The following MAML3 variants were observed in gnomAD, a reference collection of about 807,000 sequenced individuals.
MAML3 encodes mastermind-like protein 3.
In MAML3, 27 loss-of-function variants were observed where a neutral mutation model predicts 101.9. That is an observed-to-expected ratio of 0.27 (90% CI 0.20 to 0.37). The LOEUF (loss-of-function observed/expected upper bound fraction) is 0.37. Among genes scored for constraint, MAML3 ranks in the 10% least tolerant of loss-of-function variants. The probability of loss-of-function intolerance (pLI) is 1.00; values close to 1 mark genes in which losing one functional copy is unlikely to be tolerated. For synonymous variants in MAML3, 501 were observed against 555.9 expected (o/e 0.90, Z 1.39); for missense variants, 1,316 against 1,444.9 (o/e 0.91, Z 1.45).
intron 2 of MAML3, among the ~76,000 whole-genome samples, chr4:139,846,813 C>A (rs565770017): frequency 6.6e-6 from 1 of 152,286 alleles, no homozygotes; most frequent in East Asian, 1.9e-4. Context: ...TTAGGATATC[C>A]TTTAATTTAG....
chr4:139,809,052 A>G (rs73854362), intron 2 of MAML3, among the ~76,000 whole-genome samples: 1,790 of 152,290 alleles, frequency 0.012, 33 homozygotes, highest in African/African-American at 0.041. Flanking sequence ...AATTACTACA[A>G]ATGATTTATG....
chr4:139,819,828 GACAAAAGTCCTTC>G (rs146519942), intron 2 of MAML3, among the ~76,000 whole-genome samples: 46,744 of 152,002 alleles, frequency 0.31, 8,855 homozygotes, highest in Admixed American at 0.41. Flanking sequence ...TACACTTTAT[GACAAAAGTCCTTC>G]CAGGACATAC....
At chr4:140,045,943 G>A (rs868341159) in intron 1 of MAML3, among the ~76,000 whole-genome samples, 17 of 152,184 alleles carry the variant, frequency 1.1e-4, no homozygotes, top group African/African-American at 2.9e-4. Flanking sequence ...GTTTTGGTGC[G>A]TGAGAAAAAG....
chr4:140,030,040 G>A (rs1726883494), intron 1 of MAML3, among the ~76,000 whole-genome samples: 1 of 152,116 alleles, frequency 6.6e-6, no homozygotes, highest in South Asian at 2.1e-4. Flanking sequence ...GAAACGAAAA[G>A]GATGAGGTAA....
chr4:140,080,420 G>C (rs1727843688), intron 1 of MAML3, among the ~76,000 whole-genome samples: 2 of 152,174 alleles, frequency 1.3e-5, no homozygotes, highest in African/African-American at 4.8e-5. Flanking sequence ...ACACCCACAG[G>C]GCACAGAAAT....
At chr4:139,989,784 A>G (rs1381044490) in intron 1 of MAML3, among the ~76,000 whole-genome samples, 2 of 151,342 alleles carry the variant, frequency 1.3e-5, no homozygotes, top group African/African-American at 2.4e-5. Flanking sequence ...TAATTTAACA[A>G]TTTTATTCAT....
rs528002551 is a variant in MAML3, at chr4:139,927,192, G to A, written c.469-36225C>T. Among the ~76,000 whole-genome samples the A allele has an allele frequency of 4.6e-5, 7 of 151,568 alleles. No homozygotes were observed. The East Asian group carries it at 1.2e-3, about 25-fold the overall frequency. Reference sequence around the variant, plus strand: ...ACCCACCTTGGCCTCCCAAAGTGCTGGGGTTACAGGCGTGAGCCACCATAC... The same window carrying A: ...ACCCACCTTGGCCTCCCAAAGTGCTAGGGTTACAGGCGTGAGCCACCATAC... On this transcript the variant is annotated intron_variant, in intron 1 of 4. Coordinates refer to ENST00000509479, the MANE Select transcript of MAML3 (RefSeq NM_018717.5).
In MAML3 at chr4:139,856,687, C is replaced by T. The variant is rs141675482; in HGVS notation, c.2079+32670G>A. On this transcript the variant is annotated intron_variant, in intron 2 of 4. Transcript: ENST00000509479. ...GAAAAGCTTGTACCTTTAAGAAAAT[C>T]GGCAATCTTTCACCTCTAAACTTTG... Among the ~76,000 whole-genome samples, 187 of 152,310 alleles carry T rather than the reference C, an allele frequency of 1.2e-3. 1 individual carries two copies. The highest frequency in any genetic ancestry group is 4.0e-3 in the African/African-American group (167 of 41,568).
At chr4:139,731,375 G>T (rs1330413016) in intron 2 of MAML3, 2 of 141,666 alleles carry the variant, frequency 1.4e-5, no homozygotes, top group Admixed American at 7.8e-5. Flanking sequence ...CAGTACTTTG[G>T]GTGGATCACG....
chr4:139,953,984 G>C (rs2110762989), intron 1 of MAML3, among the ~76,000 whole-genome samples: 1 of 152,258 alleles, frequency 6.6e-6, no homozygotes. Flanking sequence ...TTCATAAAAA[G>C]GATTCTTGGG....
chr4:139,846,991 C>A (rs1181184582), intron 2 of MAML3, among the ~76,000 whole-genome samples: 1 of 152,152 alleles, frequency 6.6e-6, no homozygotes, highest in Non-Finnish European at 1.5e-5. Context: ...TTTCACAGTT[C>A]ACACTTAGGA....
At chr4:139,769,787 G>A (rs1447931210) in intron 2 of MAML3, among the ~76,000 whole-genome samples, 1 of 151,968 alleles carries the variant, frequency 6.6e-6, no homozygotes, top group Non-Finnish European at 1.5e-5. Flanking sequence ...GGCTAATTTT[G>A]TGTTTTTAGT....
chr4:139,827,344 C>T (rs2111129132), intron 2 of MAML3, among the ~76,000 whole-genome samples: 1 of 152,282 alleles, frequency 6.6e-6, no homozygotes, highest in East Asian at 1.9e-4. Context: ...CCAACAAAGA[C>T]TGACTGCTGA....
intron 1 of MAML3, among the ~76,000 whole-genome samples, chr4:139,964,203 G>A (rs112694638): frequency 0.034 from 5,109 of 152,224 alleles, 265 homozygotes; most frequent in African/African-American, 0.11. Flanking sequence ...GCCCATCAAT[G>A]ATAGACTGGA....
intron 2 of MAML3, among the ~76,000 whole-genome samples, chr4:139,801,643 GGTGTGTGT>G (rs755484864): frequency 2.0e-4 from 6 of 30,744 alleles, no homozygotes; most frequent in African/African-American, 3.5e-4. Context: ...GGTGTGTGTG[GGTGTGTGT>G]GTGTGTGTGT....
intron 2 of MAML3, among the ~76,000 whole-genome samples, chr4:139,860,474 T>C (rs536877873): frequency 6.6e-6 from 1 of 152,332 alleles, no homozygotes; most frequent in Admixed American, 6.5e-5. Context: ...CCCTCTCTTA[T>C]ATTTTCTCTT....
At chr4:139,780,133 C>T (rs77825102) in intron 2 of MAML3, among the ~76,000 whole-genome samples, 2,595 of 152,270 alleles carry the variant, frequency 0.017, 67 homozygotes, top group African/African-American at 0.058. Context: ...TTTCTGCAGG[C>T]GTGTCAGCCA....
At chr4:140,020,534 GTATAAA>G (rs1726715686) in intron 1 of MAML3, among the ~76,000 whole-genome samples, 1 of 152,036 alleles carries the variant, frequency 6.6e-6, no homozygotes, top group East Asian at 1.9e-4. Flanking sequence ...GAGCAAAAGT[GTATAAA>G]TATATTACAG....
At chr4:140,004,451 T>G (rs1341490025) in intron 1 of MAML3, among the ~76,000 whole-genome samples, 5 of 152,032 alleles carry the variant, frequency 3.3e-5, no homozygotes, top group African/African-American at 9.7e-5. Flanking sequence ...TTGAAGCTCA[T>G]AAGAAACCTC....
Sources: allele counts gnomAD v4.1 joint callset (sites outside exome capture counted in the v4.1 genomes callset), GRCh38; gene constraint gnomAD v4.1.1; transcripts MANE v1.5; gene names NCBI Gene and HGNC (gene_info 2026-07-23, HGNC 2026-07-21).